DAP3: variants seen among roughly 807,000 people sequenced by gnomAD.
DAP3 encodes small ribosomal subunit protein mS29.
A neutral mutation model predicts 51.9 loss-of-function variants in DAP3; 28 were observed. That is an observed-to-expected ratio of 0.54 (90% confidence interval 0.40 to 0.74). The LOEUF is 0.74. Ranked by LOEUF, DAP3 falls within the 30% of genes least tolerant of loss-of-function variation. The pLI, the probability that DAP3 is intolerant of heterozygous loss-of-function variation, is 0.00. For missense variants in DAP3, 458 were observed against 483.5 expected (o/e 0.95, Z 0.49); for synonymous variants, 170 against 170.3 (o/e 1.00, Z 0.01).
At chr1:155,738,038 G>T in intron 12 of DAP3, 119 bp from the exon 13 acceptor site, 1 of 903,480 alleles carries the variant, frequency 1.1e-6, no homozygotes, top group Non-Finnish European at 1.7e-6. Flanking sequence ...GATCTCTTGG[G>T]AGATGATAAT....
intron 1 of DAP3, chr1:155,689,596 A>T (rs541122214): frequency 4.1e-5 from 15 of 368,506 alleles, no homozygotes; most frequent in South Asian, 3.1e-4. Flanking sequence ...AACTCCAAAC[A>T]TGCCTCCAGG....
intron 2 of DAP3, among the ~76,000 whole-genome samples, chr1:155,710,941 C>G (rs916531558): frequency 6.6e-6 from 1 of 151,930 alleles, no homozygotes; most frequent in Non-Finnish European, 1.5e-5. Flanking sequence ...CGGGATTAGT[C>G]GAGTCAGCAG....
rs1006164876 is a variant in DAP3 at position 155,693,134 on chromosome 1, C to T, written c.-8+3960C>T. On this transcript the variant is annotated intron_variant, in intron 1 of 12. Coordinates refer to ENST00000368336, the MANE Select transcript of DAP3 (RefSeq NM_004632.4). ...TTGAGGGAAACCGGTATCTAAACTC[C>T]TCTAGCCCTCACCAGCAACACAGAT... 2.1e-5 allele frequency among the ~76,000 whole-genome samples: 3 copies of T among 141,802 alleles called. 1 individual carries two copies. Among genetic ancestry groups the T allele is most frequent in the African/African-American group, 9.6e-5 (3 of 31,274 alleles). The allele number at this position is 141,802 out of a possible 152,430, so 93.0% of individuals were successfully genotyped here.
intron 3 of DAP3, among the ~76,000 whole-genome samples, chr1:155,718,120 T>G (rs1185760203): frequency 1.3e-5 from 2 of 152,188 alleles, no homozygotes; most frequent in Non-Finnish European, 2.9e-5. Flanking sequence ...GCGGGGTGGC[T>G]CACGACTGTC....
rs760288202 is a variant in DAP3 at position 155,721,537 on chromosome 1, C to T, written c.189C>T (p.His63=). 15 of 1,613,802 alleles carry T rather than the reference C, an allele frequency of 9.3e-6. No individual in the cohort carries two copies. Among genetic ancestry groups the T allele is most frequent in the South Asian group, 2.2e-5 (2 of 91,082 alleles). Residue 63 remains histidine (H), a synonymous_variant, in exon 4 of 13, where the codon CAC becomes CAT. Transcript: ENST00000368336. ...CCTAGGCCAAGCATGGGGATCAGCA[C>T]GAGGGTCAGCACTACAACATCTCCC... The part of the protein sequence containing the change: ...ENDPAKHGDQ[H]EGQHYNISPQ...
rs967116058 is a variant in DAP3 at position 155,690,969 on chromosome 1, G to A, written c.-8+1795G>A. ...GTCACCCAGGCTGGAGTGCAGTGGC[G>A]CGATCTCGGCTCACTGCAAGCTCCG... On this transcript the variant is annotated intron_variant, in intron 1 of 12. Coordinates refer to ENST00000368336, the MANE Select transcript of DAP3 (RefSeq NM_004632.4). Among the ~76,000 whole-genome samples, 4 of 141,756 alleles carry A rather than the reference G, an allele frequency of 2.8e-5. 1 individual carries two copies. Among genetic ancestry groups the A allele is most frequent in the African/African-American group, 1.3e-4 (4 of 31,298 alleles). The allele number at this position is 141,756 out of a possible 152,430, so 93.0% of individuals were successfully genotyped here.
chr1:155,696,514 T>G (rs1051417791), intron 1 of DAP3, among the ~76,000 whole-genome samples: 1 of 152,266 alleles, frequency 6.6e-6, no homozygotes, highest in African/African-American at 2.4e-5. Context: ...AATGGCTCTA[T>G]CTTGTACTTG....
At chr1:155,733,947 AG>A (rs1473334383) in intron 11 of DAP3, among the ~76,000 whole-genome samples, 1 of 152,132 alleles carries the variant, frequency 6.6e-6, no homozygotes, top group South Asian at 2.1e-4. Flanking sequence ...TGAGCTCAGG[AG>A]TTTGAGACCA....
chr1:155,696,957 C>G (rs1654597723), intron 1 of DAP3, among the ~76,000 whole-genome samples: 1 of 152,228 alleles, frequency 6.6e-6, no homozygotes, highest in Non-Finnish European at 1.5e-5. Flanking sequence ...GTAAAGCTCC[C>G]ATTGGTTGCA....
rs1280511387 is a variant in DAP3 at position 155,716,388 on chromosome 1, C to G, written c.46-618C>G. ...CATCCTGGCTAACACAGTGAAACCC[C>G]TACTAAAAATACACCTCTACTAAAA... is the stretch of plus-strand genomic sequence containing the variant. On this transcript the variant is annotated intron_variant, in intron 2 of 12. Coordinates refer to ENST00000368336, the MANE Select transcript of DAP3 (RefSeq NM_004632.4). Among the ~76,000 whole-genome samples, 183 of 151,536 alleles carry G rather than the reference C, an allele frequency of 1.2e-3. 1 individual carries two copies. The highest frequency in any genetic ancestry group is 1.9e-3 in the Non-Finnish European group (132 of 67,872).
At chr1:155,727,460 C>A in intron 6 of DAP3, 148 bp from the exon 7 acceptor site, 1 of 778,366 alleles carries the variant, frequency 1.3e-6, no homozygotes, top group Non-Finnish European at 1.8e-6. Flanking sequence ...CAGAGCAAGA[C>A]CCTGTCTCAA....
upstream of DAP3, chr1:155,688,510 G>A (rs1392383034): frequency 1.9e-6 from 3 of 1,546,482 alleles, no homozygotes; most frequent in African/African-American, 4.1e-5. Context: ...CTACGGGCTC[G>A]TCGCTGGCTG....
intron 1 of DAP3, among the ~76,000 whole-genome samples, chr1:155,702,500 G>T (rs1460305489): frequency 1.3e-5 from 2 of 151,898 alleles, no homozygotes; most frequent in African/African-American, 4.8e-5. Flanking sequence ...TAGAAAACTT[G>T]CCCCTGCAAG....
intron 1 of DAP3, among the ~76,000 whole-genome samples, chr1:155,706,279 T>C (rs1655955920): frequency 6.6e-6 from 1 of 152,216 alleles, no homozygotes; most frequent in East Asian, 1.9e-4. Context: ...GGGCCGATAT[T>C]ACAGGCATGA....
At chr1:155,712,478 G>A (rs1656827352) in intron 2 of DAP3, among the ~76,000 whole-genome samples, 1 of 152,102 alleles carries the variant, frequency 6.6e-6, no homozygotes, top group African/African-American at 2.4e-5. Flanking sequence ...CAGGCGCGGT[G>A]GCGCATGCCT....
chr1:155,725,398 A>G lies in DAP3; in HGVS notation c.287A>G (p.Glu96Gly). 1 of 1,614,076 alleles carries G rather than the reference A, an allele frequency of 6.2e-7. No individual in the cohort carries two copies. The highest frequency in any genetic ancestry group is 8.5e-7 in the Non-Finnish European group (1 of 1,179,992). The change falls in exon 5 of 13, where the codon GAA (glutamate) becomes GGA (glycine). Residue 96 changes from glutamate to glycine, a missense_variant. Physicochemically the swap from Glu to Gly is moderately conservative, Grantham distance 98. Coordinates refer to ENST00000368336, the MANE Select transcript of DAP3 (RefSeq NM_004632.4). ...RFVMQVKTFS[E>G]ACLMVRKPAL... ...CTTTATCAGGTGAAGACATTCAGTG[A>G]AGCTTGCCTGATGGTAAGGAAACCA... is the stretch of plus-strand genomic sequence containing the variant.
intron 3 of DAP3, among the ~76,000 whole-genome samples, chr1:155,719,017 T>C (rs551940236): frequency 6.6e-6 from 1 of 152,288 alleles, no homozygotes; most frequent in African/African-American, 2.4e-5. Flanking sequence ...CGGTTTACTT[T>C]GATGAGCAAT....
At chr1:155,705,370 G>A (rs1659098169) in intron 1 of DAP3, among the ~76,000 whole-genome samples, 1 of 151,894 alleles carries the variant, frequency 6.6e-6, no homozygotes, top group Non-Finnish European at 1.5e-5. Flanking sequence ...GCTGAGGCAG[G>A]AGGATCACTT....
intron 1 of DAP3, among the ~76,000 whole-genome samples, chr1:155,703,321 G>A (rs1231424648): frequency 2.0e-5 from 3 of 152,176 alleles, no homozygotes; most frequent in African/African-American, 7.2e-5. Flanking sequence ...TATCTTACAT[G>A]GTGGCAGGCA....
Sources: allele counts gnomAD v4.1 joint callset (sites outside exome capture counted in the v4.1 genomes callset), GRCh38; gene constraint gnomAD v4.1.1; transcripts MANE v1.5; gene names NCBI Gene and HGNC (gene_info 2026-07-23, HGNC 2026-07-21).